Variants in PCDHB9 observed in about 807,000 individuals in gnomAD.
PCDHB9 encodes protocadherin beta 9, also known as protocadherin beta-9.
For missense variants in PCDHB9, 1,072 were observed against 995.1 expected (o/e 1.08, Z -1.04); for synonymous variants, 501 against 439.7 (o/e 1.14, Z -1.75).
chr5:141,187,493 C>T lies in PCDHB9; in HGVS notation c.175C>T (p.Leu59=). 1 of 1,612,256 alleles carries T rather than the reference C, an allele frequency of 6.2e-7. No individual in the cohort carries two copies. Among genetic ancestry groups the T allele is most frequent in the Non-Finnish European group, 8.5e-7 (1 of 1,178,814 alleles). ...GGATCTGGGACTAGCAGAGGGGGAG[C>T]TGGCTGCAAGGGGAACCAGGGTGGT... The part of the protein sequence containing the change: ...AKDLGLAEGE[L]AARGTRVVSD... Residue 59 remains leucine, a synonymous_variant, in exon 1 of 1, where the codon CTG becomes TTG. Transcript: ENST00000316105.
rs1285711450 is a variant in PCDHB9 at position 141,188,631 on chromosome 5, C to A, written c.1313C>A (p.Thr438Asn). 6.2e-7 allele frequency: 1 copy of A among 1,614,086 alleles called. No individual in the cohort carries two copies. The highest frequency in any genetic ancestry group is 1.1e-5 in the South Asian group (1 of 91,084). The change falls in exon 1 of 1, where the codon ACC becomes AAC. Residue 438 changes from threonine to asparagine, a missense_variant. Coordinates refer to ENST00000316105, the MANE Select transcript of PCDHB9 (RefSeq NM_019119.5). ...AGGCTGAAAACCGAGCACAGCATAA[C>A]CCTGCAGGTCTCCGACGTCAATGAC... ...TPRLKTEHSI[T>N]LQVSDVNDNA... is the part of the protein sequence containing the mutation.
At position 141,188,127 on chromosome 5, in the gene PCDHB9, A is replaced by C. The variant is rs1554282923; in HGVS notation, c.809A>C (p.Asp270Ala). 6.2e-7 allele frequency: 1 copy of C among 1,612,992 alleles called. No individual in the cohort carries two copies. Among genetic ancestry groups the C allele is most frequent in the East Asian group, 2.2e-5 (1 of 44,876 alleles). ...LIVKVSAGDA[D>A]SGVNAEVSYS... ...GTTAAAGTGTCTGCAGGAGATGCAG[A>C]CTCAGGAGTCAATGCAGAAGTATCC... The change falls in exon 1 of 1, where the codon GAC (aspartate) becomes GCC (alanine). Residue 270 changes from aspartate (D) to alanine (A), a missense_variant. Transcript: ENST00000316105.
rs781824580 is a variant in PCDHB9 at position 141,189,519 on chromosome 5, G to A, written c.2201G>A (p.Gly734Glu). ...TCGGTGCCCGAGGGTCCTTTTCCAG[G>A]GCATCTGGTGGACGTGAGCGGCACC... is the stretch of plus-strand genomic sequence containing the variant. ...RCSVPEGPFPGHLVDVSGTGT... is the reference protein window; with the variant it reads ...RCSVPEGPFPEHLVDVSGTGT... Residue 734 changes from glycine to glutamate, a missense_variant, in exon 1 of 1, where the codon GGG becomes GAG. Gly to Glu is a moderately conservative substitution (Grantham distance 98, BLOSUM62 -2). Transcript: ENST00000316105. 1.9e-6 allele frequency: 3 copies of A among 1,614,054 alleles called. No homozygotes were observed. Among genetic ancestry groups the A allele is most frequent in the Non-Finnish European group, 2.5e-6 (3 of 1,180,016 alleles).
rs1554283382 is a variant in PCDHB9, at chr5:141,189,507, G to A, written c.2189G>A (p.Gly730Asp). 10 of 1,613,842 alleles carry A rather than the reference G, an allele frequency of 6.2e-6. No individual in the cohort carries two copies. The highest frequency in any genetic ancestry group is 8.5e-7 in the Non-Finnish European group (1 of 1,180,014). ...ASVGRCSVPE[G>D]PFPGHLVDVS... is the part of the protein sequence containing the mutation. ...GTGGGTCGCTGCTCGGTGCCCGAGG[G>A]TCCTTTTCCAGGGCATCTGGTGGAC... The change falls in exon 1 of 1, where the codon GGT becomes GAT. Residue 730 changes from glycine to aspartate, a missense_variant. Gly to Asp is a moderately conservative substitution (Grantham distance 94). Transcript: ENST00000316105.
rs1442935031 is a variant in PCDHB9, at chr5:141,189,719, C to G, written c.*7C>G. The G allele has an allele frequency of 1.3e-6, 2 of 1,559,508 alleles. No individual in the cohort carries two copies. Among genetic ancestry groups the G allele is most frequent in the Non-Finnish European group, 1.7e-6 (2 of 1,152,100 alleles). On this transcript the variant is annotated 3_prime_UTR_variant, in exon 1 of 1. Coordinates refer to ENST00000316105, the MANE Select transcript of PCDHB9 (RefSeq NM_019119.5). ...CTTTGGATTTAATTATTGAAAGGAA[C>G]CCACTTAATAAAGACATTTACTTCT...
At position 141,187,894 on chromosome 5, in the gene PCDHB9, A is replaced by G; in HGVS notation, c.576A>G (p.Pro192=). Residue 192 remains proline (P), a synonymous_variant, in exon 1 of 1, where the codon CCA becomes CCG. Coordinates refer to ENST00000316105, the MANE Select transcript of PCDHB9 (RefSeq NM_019119.5). ...ISGSDEGMIY[P]ELVLDKALDR... is the part of the protein sequence containing the mutation. ...GCAGTGATGAAGGCATGATATATCC[A>G]GAGCTAGTGTTGGACAAAGCACTGG... 1.2e-6 allele frequency: 2 copies of G among 1,614,216 alleles called. No individual in the cohort carries two copies. Among genetic ancestry groups the G allele is most frequent in the Non-Finnish European group, 1.7e-6 (2 of 1,180,036 alleles).
rs782665448 is a variant in PCDHB9 at position 141,189,035 on chromosome 5, A to C, written c.1717A>C (p.Thr573Pro). 2 of 1,609,040 alleles carry C rather than the reference A, an allele frequency of 1.2e-6. No individual in the cohort carries two copies. Among genetic ancestry groups the C allele is most frequent in the Non-Finnish European group, 1.7e-6 (2 of 1,179,454 alleles). Reference sequence around the variant, plus strand: ...GCTGCAGAACGGCTCCGCGCCCTGCACCGAGCTGGTGCCCCGGGCGGCCGA... The same window carrying C: ...GCTGCAGAACGGCTCCGCGCCCTGCCCCGAGCTGGTGCCCCGGGCGGCCGA... Reference protein sequence around the residue: ...YPLQNGSAPCTELVPRAAEPG... With the variant: ...YPLQNGSAPCPELVPRAAEPG... Residue 573 changes from threonine (T) to proline (P), a missense_variant, in exon 1 of 1, where the codon ACC (threonine) becomes CCC (proline). By Grantham distance (38) the Thr-to-Pro change is conservative (BLOSUM62 -1). Coordinates refer to ENST00000316105, the MANE Select transcript of PCDHB9 (RefSeq NM_019119.5).
Position 141,187,705 on chromosome 5 carries a change from C to G in PCDHB9, c.387C>G (p.His129Gln). 6.2e-7 allele frequency: 1 copy of G among 1,614,100 alleles called. No homozygotes were observed. The highest frequency in any genetic ancestry group is 1.6e-4 in the Middle Eastern group (1 of 6,062). ...AELRVRDINDHSPVFRHKEMV... is the reference protein window; with the variant it reads ...AELRVRDINDQSPVFRHKEMV... ...TGAGAGTCAGGGATATAAATGATCA[C>G]TCGCCAGTGTTTCGGCACAAAGAGA... The change falls in exon 1 of 1, where the codon CAC becomes CAG. Residue 129 changes from histidine (H) to glutamine (Q), a missense_variant. Physicochemically the swap from His to Gln is conservative, Grantham distance 24. Transcript: ENST00000316105.
Position 141,188,340 on chromosome 5 carries a change from A to G in PCDHB9, c.1022A>G (p.Asn341Ser), listed in dbSNP as rs1554282983. 5 of 1,614,032 alleles carry G rather than the reference A, an allele frequency of 3.1e-6. No homozygotes were observed. In the South Asian group the frequency reaches 4.4e-5, roughly 14 times the overall value. ...GTTTTGATAAAAGTATTAGATTCCA[A>G]TGACAATCCTCCTGAACTGATCATA... is the stretch of plus-strand genomic sequence containing the variant. ...CTVLIKVLDSNDNPPELIISS... is the reference protein window; with the variant it reads ...CTVLIKVLDSSDNPPELIISS... The change falls in exon 1 of 1, where the codon AAT (asparagine) becomes AGT (serine). Residue 341 changes from asparagine to serine, a missense_variant. Physicochemically the swap from Asn to Ser is conservative, Grantham distance 46. Transcript: ENST00000316105.
rs782070699 is a variant in PCDHB9, at chr5:141,188,404, G to C, written c.1086G>C (p.Gly362=). ...ACTCTGTTGCTGAAAACTCTCCTGG[G>C]ATAGTATTGGCTGTTTTTAAGATTA... The part of the protein sequence containing the change: ...LSNSVAENSP[G]IVLAVFKIKD... Residue 362 remains glycine (G), a synonymous_variant, in exon 1 of 1, where the codon GGG becomes GGC. Coordinates refer to ENST00000316105, the MANE Select transcript of PCDHB9 (RefSeq NM_019119.5). The C allele has an allele frequency of 1.2e-6, 2 of 1,614,132 alleles. No homozygotes were observed. The highest frequency in any genetic ancestry group is 1.1e-5 in the South Asian group (1 of 91,080).
chr5:141,189,861 TTCTTA>T lies in PCDHB9; in HGVS notation c.*151_*155del. ...ATGCTTAACTTCACAAGTTAACTTT[TTCTTA>T]TTTTGTATCCTGATGAGGCATTTCT... On this transcript the variant is annotated 3_prime_UTR_variant, in exon 1 of 1. Transcript: ENST00000316105. The T allele has an allele frequency of 1.6e-6, 1 of 633,048 alleles. No individual in the cohort carries two copies. Among genetic ancestry groups the T allele is most frequent in the East Asian group, 3.0e-5 (1 of 33,592 alleles). 39.2% of individuals were successfully genotyped at this position (633,048 alleles called of 1,614,324 possible).
In PCDHB9 at chr5:141,188,463, T is replaced by C. The variant is rs201006113; in HGVS notation, c.1145T>C (p.Ile382Thr). ...DRDSGENGKT[I>T]CYVQDNLPFF... ...GACTCCGGAGAAAATGGAAAGACAA[T>C]TTGCTATGTTCAAGATAATCTGCCT... Residue 382 changes from isoleucine to threonine, a missense_variant, in exon 1 of 1, where the codon ATT (isoleucine) becomes ACT (threonine). Ile to Thr is a moderately conservative substitution (Grantham distance 89). Transcript: ENST00000316105. 2 of 1,614,096 alleles carry C rather than the reference T, an allele frequency of 1.2e-6. No homozygotes were observed. The highest frequency in any genetic ancestry group is 8.5e-7 in the Non-Finnish European group (1 of 1,180,008).
At position 141,187,201 on chromosome 5, in the gene PCDHB9, T is replaced by C; in HGVS notation, c.-118T>C. 8.0e-7 allele frequency: 1 copy of C among 1,253,738 alleles called. No homozygotes were observed. The highest frequency in any genetic ancestry group is 1.1e-6 in the Non-Finnish European group (1 of 902,900). The allele number at this position is 1,253,738 out of a possible 1,614,324, so 77.7% of individuals were successfully genotyped here. A position where few individuals can be genotyped will look rare whatever the true frequency, so the allele number is the denominator to read the frequency against. The stretch of plus-strand genomic sequence containing the variant: ...CTGAGAAGAAGAGCTGTCGAGTCCC[T>C]GATTGGGAAAGGAAAAATTAAAAAC... On this transcript the variant is annotated 5_prime_UTR_variant, in exon 1 of 1. Transcript: ENST00000316105.
rs781816894 is a variant in PCDHB9 at position 141,189,990 on chromosome 5, G to A, written c.*278G>A. On this transcript the variant is annotated 3_prime_UTR_variant, in exon 1 of 1. Coordinates refer to ENST00000316105, the MANE Select transcript of PCDHB9 (RefSeq NM_019119.5). ...TGTCTTTATTGACTTTAAATTCATT[G>A]CCTCTACATTATTCATTAGTTCTTC... is the stretch of plus-strand genomic sequence containing the variant. 9.9e-6 allele frequency: 3 copies of A among 304,402 alleles called. No individual in the cohort carries two copies. Among genetic ancestry groups the A allele is most frequent in the Admixed American group, 9.0e-5 (2 of 22,150 alleles). The allele number at this position is 304,402 out of a possible 1,614,324, so 18.9% of individuals were successfully genotyped here. A position where few individuals can be genotyped will look rare whatever the true frequency, so the allele number is the denominator to read the frequency against.
Position 141,189,799 on chromosome 5 carries a change from C to A in PCDHB9, c.*87C>A. 1 of 1,219,680 alleles carries A rather than the reference C, an allele frequency of 8.2e-7. No homozygotes were observed. Among genetic ancestry groups the A allele is most frequent in the Non-Finnish European group, 1.1e-6 (1 of 878,564 alleles). 75.6% of individuals were successfully genotyped at this position (1,219,680 alleles called of 1,614,324 possible). A position where few individuals can be genotyped will look rare whatever the true frequency, so the allele number is the denominator to read the frequency against. ...GTGTATGCCCACCACAAAGAAGGTA[C>A]TATTTTTTGTTTGATTCATCTTCAA... On this transcript the variant is annotated 3_prime_UTR_variant, in exon 1 of 1. Coordinates refer to ENST00000316105, the MANE Select transcript of PCDHB9 (RefSeq NM_019119.5).
rs373687582 is a variant in PCDHB9, at chr5:141,189,582, T to A, written c.2264T>A (p.Leu755Gln). Residue 755 changes from leucine to glutamine, a missense_variant, in exon 1 of 1, where the codon CTG becomes CAG. Physicochemically the swap from Leu to Gln is moderately radical, Grantham distance 113. Transcript: ENST00000316105. ...LFQSYQYEVC[L>Q]TGGSETGEFK... ...CAGAGCTACCAGTACGAGGTGTGTCTGACTGGAGGTTCAGAGACCGGCGAG... is the reference window on the plus strand; with the variant it reads ...CAGAGCTACCAGTACGAGGTGTGTCAGACTGGAGGTTCAGAGACCGGCGAG... 6.2e-7 allele frequency: 1 copy of A among 1,614,118 alleles called. No individual in the cohort carries two copies. The highest frequency in any genetic ancestry group is 8.5e-7 in the Non-Finnish European group (1 of 1,180,018).
At position 141,189,908 on chromosome 5, in the gene PCDHB9, G is replaced by A. The variant is rs1563948160; in HGVS notation, c.*196G>A. On this transcript the variant is annotated 3_prime_UTR_variant, in exon 1 of 1. Coordinates refer to ENST00000316105, the MANE Select transcript of PCDHB9 (RefSeq NM_019119.5). ...GGCATTTCTTACTAGAATCCCATAA[G>A]TGAAATATAATATTTTTCAAAGTTG... 2 of 483,352 alleles carry A rather than the reference G, an allele frequency of 4.1e-6. No individual in the cohort carries two copies. The highest frequency in any genetic ancestry group is 6.6e-5 in the East Asian group (2 of 30,366). 29.9% of individuals were successfully genotyped at this position (483,352 alleles called of 1,614,324 possible). A position where few individuals can be genotyped will look rare whatever the true frequency, so the allele number is the denominator to read the frequency against.
Position 141,187,333 on chromosome 5 carries a change from G to C in PCDHB9, c.15G>C (p.Gly5=), listed in dbSNP as rs782323442. The C allele has an allele frequency of 6.2e-7, 1 of 1,613,890 alleles. No individual in the cohort carries two copies. Among genetic ancestry groups the C allele is most frequent in the Non-Finnish European group, 8.5e-7 (1 of 1,179,922 alleles). ...AAGAAGCAGCTATGAAGACCAGGGG[G>C]TTCAGCTTTCCAAGACAAAGGCAAG... is the stretch of plus-strand genomic sequence containing the variant. The part of the protein sequence containing the change: MKTR[G]FSFPRQRQVL... The change falls in exon 1 of 1, where the codon GGG becomes GGC. Residue 5 remains glycine (G), a synonymous_variant. Coordinates refer to ENST00000316105, the MANE Select transcript of PCDHB9 (RefSeq NM_019119.5).
chr5:141,188,232 A>G lies in PCDHB9; in HGVS notation c.914A>G (p.Glu305Gly). 1 of 1,613,470 alleles carries G rather than the reference A, an allele frequency of 6.2e-7. No homozygotes were observed. The highest frequency in any genetic ancestry group is 8.5e-7 in the Non-Finnish European group (1 of 1,179,830). The stretch of plus-strand genomic sequence containing the variant: ...TTTTCTGGGGAAATCTTTCTCAGAG[A>G]ATTGCTTGATTATGAGTTAGTAAAT... ...NPFSGEIFLR[E>G]LLDYELVNSY... The change falls in exon 1 of 1, where the codon GAA (glutamate) becomes GGA (glycine). Residue 305 changes from glutamate (E) to glycine (G), a missense_variant. Physicochemically the swap from Glu to Gly is moderately conservative, Grantham distance 98. Transcript: ENST00000316105.
Sources: gnomAD v4.1 joint callset for allele counts on GRCh38, gnomAD v4.1.1 for gene constraint, MANE v1.5 for transcripts, NCBI Gene and HGNC (gene_info 2026-07-23, HGNC 2026-07-21) for gene names.